NOL10: variants seen among roughly 807,000 people sequenced by gnomAD.
The protein encoded by NOL10 is nucleolar protein 10, also known as H_NH0074G24.1.
NOL10 carries 58 observed loss-of-function variants against 103.5 expected under a neutral mutation model. The ratio of observed to expected loss-of-function variants is 0.56; its 90% CI spans 0.45 to 0.70. NOL10 has a LOEUF of 0.70. Among genes scored for constraint, NOL10 ranks in the 30% least tolerant of loss-of-function variants. NOL10 has a pLI of 0.00. For synonymous variants in NOL10, 287 were observed against 282.5 expected (o/e 1.02, Z -0.16); for missense variants, 763 against 807.3 (o/e 0.95, Z 0.67).
intron 17 of NOL10, among the ~76,000 whole-genome samples, chr2:10,594,979 A>G (rs1675592604): frequency 1.3e-5 from 2 of 152,158 alleles, no homozygotes; most frequent in African/African-American, 4.8e-5. Context: ...CCTGGGTAAC[A>G]GGCTCTATCT....
rs367545304 is a variant in NOL10, at chr2:10,602,905, A to G, written c.1234-31T>C. 2.0e-6 allele frequency: 3 copies of G among 1,481,548 alleles called. No homozygotes were observed. In the African/African-American group the frequency reaches 4.2e-5, roughly 21 times the overall value. 91.8% of individuals were successfully genotyped at this position (1,481,548 alleles called of 1,614,324 possible). ...CAAAATGAAAAAAGTTTTTAAAATA[A>G]AAGAATGGTATTTGGTAATATCATT... On this transcript the variant is annotated intron_variant, in intron 15 of 20. Coordinates refer to ENST00000381685, the MANE Select transcript of NOL10 (RefSeq NM_024894.4).
rs1459658242 is a variant in NOL10 at position 10,633,773 on chromosome 2, T to C, written c.1026+10547A>G. On this transcript the variant is annotated intron_variant, in intron 13 of 20. Transcript: ENST00000381685. ...CAGAAGAGTAACACAATCTGATTTA[T>C]ATTTGTTTTGTTTATATGTATGTGT... Among the ~76,000 whole-genome samples the C allele has an allele frequency of 2.0e-5, 3 of 149,736 alleles. No individual in the cohort carries two copies. In the East Asian group the frequency reaches 5.8e-4, roughly 29 times the overall value.
intron 12 of NOL10, 26 bp downstream of exon 12, chr2:10,654,455 C>G: frequency 2.7e-6 from 4 of 1,482,600 alleles, no homozygotes; most frequent in Non-Finnish European, 3.7e-6. Flanking sequence ...ATTTGTCTCA[C>G]TGAACGTTCA....
intron 8 of NOL10, among the ~76,000 whole-genome samples, chr2:10,664,763 T>G (rs1033525723): frequency 6.6e-6 from 1 of 152,202 alleles, no homozygotes. Context: ...CTCGAACTCC[T>G]GGACTCAAGC....
chr2:10,589,353 C>T, intron 18 of NOL10, 63 bp from the exon 19 acceptor site: 1 of 1,592,318 alleles, frequency 6.3e-7, no homozygotes, highest in East Asian at 2.2e-5. Context: ...CCCTTGGTTT[C>T]TCTGAAGCAG....
intron 5 of NOL10, among the ~76,000 whole-genome samples, chr2:10,672,888 G>A (rs1681041367): frequency 6.6e-6 from 1 of 152,052 alleles, no homozygotes. Context: ...AGCTACTCAG[G>A]AGGCAGAGGC....
Position 10,689,974 on chromosome 2 carries a change from C to A in NOL10, c.-113G>T. On this transcript the variant is annotated 5_prime_UTR_variant, in exon 1 of 21. Transcript: ENST00000381685. ...CGCGGCGTGCGGCCGCTGGCGCCGA[C>A]TGATGACGCACTTCCTGGAGCCGGA... 1.1e-6 allele frequency: 1 copy of A among 937,820 alleles called. No individual in the cohort carries two copies. The highest frequency in any genetic ancestry group is 1.6e-6 in the Non-Finnish European group (1 of 609,986). 58.1% of individuals were successfully genotyped at this position (937,820 alleles called of 1,614,324 possible).
intron 13 of NOL10, among the ~76,000 whole-genome samples, chr2:10,610,380 T>G (rs957444084): frequency 1.3e-3 from 196 of 152,238 alleles, no homozygotes; most frequent in Non-Finnish European, 1.5e-3. Context: ...GTGGTTTAAA[T>G]TGCCTGTCAG....
chr2:10,604,642 C>A (rs539465986), intron 14 of NOL10: 3 of 152,240 alleles, frequency 2.0e-5, no homozygotes, highest in African/African-American at 7.2e-5. Context: ...AATACATATA[C>A]CAGTGATTGC....
At chr2:10,631,944 C>A (rs1013657557) in intron 13 of NOL10, among the ~76,000 whole-genome samples, 5 of 152,168 alleles carry the variant, frequency 3.3e-5, no homozygotes, top group East Asian at 1.9e-4. Flanking sequence ...AAACTCCCGA[C>A]CTCAGGTGAT....
At chr2:10,689,637 C>G (rs1189777679) in intron 1 of NOL10, among the ~76,000 whole-genome samples, 159 bp downstream of exon 1, 12 of 152,250 alleles carry the variant, frequency 7.9e-5, no homozygotes, top group Admixed American at 7.9e-4. Context: ...AATGCCGACA[C>G]CTCCCCCGGA....
intron 12 of NOL10, among the ~76,000 whole-genome samples, chr2:10,650,791 T>C (rs1362932613): frequency 1.3e-5 from 2 of 151,992 alleles, no homozygotes; most frequent in Non-Finnish European, 2.9e-5. Context: ...GGCGAAAAAA[T>C]AAAATCAGCA....
chr2:10,607,765 A>G (rs1676336755), intron 13 of NOL10, among the ~76,000 whole-genome samples: 1 of 149,544 alleles, frequency 6.7e-6, no homozygotes, highest in Non-Finnish European at 1.5e-5. Context: ...TATTATTATT[A>G]TTATTATTAT....
chr2:10,601,839 C>T (rs1255692615), intron 16 of NOL10, among the ~76,000 whole-genome samples: 1 of 152,090 alleles, frequency 6.6e-6, no homozygotes, highest in Non-Finnish European at 1.5e-5. Flanking sequence ...TTTTAACAGT[C>T]TGGAAAAACA....
intron 6 of NOL10, among the ~76,000 whole-genome samples, chr2:10,670,662 G>A (rs1423781153): frequency 1.3e-5 from 2 of 152,150 alleles, no homozygotes; most frequent in Non-Finnish European, 2.9e-5. Context: ...TTGAACCTGG[G>A]AGGCAGAGGT....
In NOL10 at chr2:10,675,888, T is replaced by C. The variant is rs773678805; in HGVS notation, c.212-17A>G. The C allele has an allele frequency of 5.5e-6, 8 of 1,453,850 alleles. No homozygotes were observed. In the Admixed American group the frequency reaches 1.6e-4, roughly 29 times the overall value. The allele number at this position is 1,453,850 out of a possible 1,614,324, so 90.1% of individuals were successfully genotyped here. ...TATATGTTCCTACAAAAAATTAATGTGATGTAAAACCTAAAGACATACTTT... is the reference window on the plus strand; with the variant it reads ...TATATGTTCCTACAAAAAATTAATGCGATGTAAAACCTAAAGACATACTTT... On this transcript the variant is annotated splice_polypyrimidine_tract_variant and intron_variant, in intron 3 of 20. Transcript: ENST00000381685.
intron 6 of NOL10, among the ~76,000 whole-genome samples, chr2:10,670,385 A>G (rs963417725): frequency 6.6e-6 from 1 of 152,210 alleles, no homozygotes; most frequent in African/African-American, 2.4e-5. Context: ...TAAATATTGT[A>G]AATAAATTGC....
At chr2:10,676,827 G>A (rs944630963) in intron 3 of NOL10, among the ~76,000 whole-genome samples, 7 of 151,608 alleles carry the variant, frequency 4.6e-5, no homozygotes, top group Admixed American at 6.6e-5. Context: ...TAGTAGAGAC[G>A]GGGTATCACC....
chr2:10,595,515 T>C (rs141316782), intron 17 of NOL10, among the ~76,000 whole-genome samples: 7 of 152,272 alleles, frequency 4.6e-5, no homozygotes, highest in African/African-American at 1.4e-4. Context: ...CAGGCTGGTC[T>C]TGAACTCCTG....
Sources: allele counts gnomAD v4.1 joint callset (sites outside exome capture counted in the v4.1 genomes callset), GRCh38; gene constraint gnomAD v4.1.1; transcripts MANE v1.5; gene names NCBI Gene and HGNC (gene_info 2026-07-23, HGNC 2026-07-21).